ATP2C2: variants seen among roughly 807,000 people sequenced by gnomAD.
The protein encoded by ATP2C2 is ATPase secretory pathway Ca2+ transporting 2.
A neutral mutation model predicts 110.8 loss-of-function variants in ATP2C2; 171 were observed. The observed-to-expected ratio is 1.54, with a 90% CI of 1.36 to 1.75. The LOEUF (loss-of-function observed/expected upper bound fraction) is 1.75, where lower values mean the gene tolerates loss of function less well. Among genes scored for constraint, ATP2C2 ranks in the 40% most tolerant of loss-of-function variants. The probability of loss-of-function intolerance (pLI) is 0.00; values close to 1 mark genes in which losing one functional copy is unlikely to be tolerated. For synonymous variants in ATP2C2, 804 were observed against 508.4 expected, an observed-to-expected ratio of 1.58 and a Z score of -7.82; for missense variants, 1,963 against 1,235.0, an observed-to-expected ratio of 1.59 and a Z score of -8.84.
At chr16:84,401,445 G>A (rs1567697180) in intron 2 of ATP2C2, among the ~76,000 whole-genome samples, 1 of 151,868 alleles carries the variant, frequency 6.6e-6, no homozygotes, top group African/African-American at 2.4e-5. Flanking sequence ...GGCTGATCTC[G>A]AACTCCTGAC....
intron 1 of ATP2C2, among the ~76,000 whole-genome samples, chr16:84,374,435 G>A (rs1910137653): frequency 6.6e-6 from 1 of 152,350 alleles, no homozygotes; most frequent in Non-Finnish European, 1.5e-5. Flanking sequence ...CGAAAGGTCT[G>A]TGTTGATCAG....
chr16:84,419,401 C>CG (rs1390795372), intron 7 of ATP2C2, among the ~76,000 whole-genome samples: 2 of 152,170 alleles, frequency 1.3e-5, no homozygotes, highest in Middle Eastern at 3.4e-3. Context: ...TCCAACCCTC[C>CG]GTCCTCCCCT....
chr16:84,408,535 A>G (rs1414295456), intron 4 of ATP2C2, 41 bp downstream of exon 4: 2 of 1,527,932 alleles, frequency 1.3e-6, no homozygotes, highest in East Asian at 2.3e-5. Flanking sequence ...GCGGGCAGCC[A>G]CAGGTCTGCT....
chr16:84,446,827 C>T (rs565334771), intron 16 of ATP2C2, among the ~76,000 whole-genome samples: 1 of 152,190 alleles, frequency 6.6e-6, no homozygotes. Flanking sequence ...GACTGAGGCC[C>T]TGCTGCTAAC....
chr16:84,453,077 CG>C, intron 18 of ATP2C2, 60 bp from the exon 19 acceptor site: 3 of 1,516,758 alleles, frequency 2.0e-6, no homozygotes, highest in Non-Finnish European at 1.8e-6. Context: ...GAGGTGGGGC[CG>C]GGAGTGAGGG....
intron 1 of ATP2C2, among the ~76,000 whole-genome samples, chr16:84,389,720 C>CTTT (rs3085090): frequency 1.2e-4 from 15 of 120,176 alleles, no homozygotes; most frequent in Middle Eastern, 4.9e-3. Context: ...TCACTGTTTC[C>CTTT]TTTTTTTTTT....
rs758836565 is a variant in ATP2C2 at position 84,454,811 on chromosome 16, T to C, written c.1981-7T>C. Reference sequence around the variant, plus strand: ...CTGCAGGCCTTCATTGCCTGCTCTTTCCAAAGGCTCTGCAGGAGTCAGGGG... The same window carrying C: ...CTGCAGGCCTTCATTGCCTGCTCTTCCCAAAGGCTCTGCAGGAGTCAGGGG... On this transcript the variant is annotated splice_polypyrimidine_tract_variant and splice_region_variant and intron_variant, in intron 20 of 26. Transcript: ENST00000262429. 4 of 1,583,888 alleles carry C rather than the reference T, an allele frequency of 2.5e-6. No individual in the cohort carries two copies. In the African/African-American group the frequency reaches 5.4e-5, roughly 22 times the overall value.
At chr16:84,417,819 G>C (rs1906973389) in intron 7 of ATP2C2, among the ~76,000 whole-genome samples, 1 of 152,218 alleles carries the variant, frequency 6.6e-6, no homozygotes, top group African/African-American at 2.4e-5. Flanking sequence ...GTGGTATTCT[G>C]CAATTCCATT....
At chr16:84,414,970 G>T (rs1001625056) in intron 6 of ATP2C2, among the ~76,000 whole-genome samples, 2 of 152,156 alleles carry the variant, frequency 1.3e-5, no homozygotes, top group Non-Finnish European at 2.9e-5. Flanking sequence ...GGACGGGCAA[G>T]CGGCGGTGGT....
intron 24 of ATP2C2, 175 bp downstream of exon 24, chr16:84,460,976 A>C (rs1911268612): frequency 2.1e-6 from 2 of 964,374 alleles, no homozygotes; most frequent in African/African-American, 3.3e-5. Context: ...GGACTGGGTG[A>C]CCCTTGAAAG....
At chr16:84,419,754 G>A (rs1482916020) in intron 7 of ATP2C2, among the ~76,000 whole-genome samples, 3 of 152,136 alleles carry the variant, frequency 2.0e-5, no homozygotes, top group African/African-American at 4.8e-5. Context: ...CGAGGACACC[G>A]TGCAGGAAGC....
intron 20 of ATP2C2, 100 bp from the exon 21 acceptor site, chr16:84,454,718 T>G (rs1910625792): frequency 2.3e-6 from 3 of 1,294,996 alleles, no homozygotes; most frequent in Non-Finnish European, 3.1e-6. Flanking sequence ...CCGGGTGCCC[T>G]CCAGACAGAG....
intron 1 of ATP2C2, among the ~76,000 whole-genome samples, chr16:84,372,385 A>G (rs1159899026): frequency 2.6e-5 from 4 of 152,250 alleles, no homozygotes; most frequent in Non-Finnish European, 5.9e-5. Flanking sequence ...AGTGTTTCTC[A>G]GAATTCAGCA....
At chr16:84,419,391 T>A (rs1907126363) in intron 7 of ATP2C2, among the ~76,000 whole-genome samples, 1 of 151,914 alleles carries the variant, frequency 6.6e-6, no homozygotes, top group Admixed American at 6.6e-5. Context: ...CAGACACATC[T>A]CCAACCCTCC....
intron 23 of ATP2C2, 200 bp downstream of exon 23, chr16:84,459,586 G>A: frequency 6.5e-7 from 1 of 1,535,966 alleles, no homozygotes; most frequent in Non-Finnish European, 8.7e-7. Flanking sequence ...TGGGCCGGCA[G>A]AGCTGGGTGA....
chr16:84,391,347 G>A (rs57708840), intron 1 of ATP2C2, among the ~76,000 whole-genome samples: 3,650 of 152,258 alleles, frequency 0.024, 124 homozygotes, highest in African/African-American at 0.07. Flanking sequence ...GCCATCTCTC[G>A]CATCTTCTGT....
At chr16:84,409,990 C>T (rs550917392) in intron 4 of ATP2C2, among the ~76,000 whole-genome samples, 17 of 151,984 alleles carry the variant, frequency 1.1e-4, no homozygotes, top group Non-Finnish European at 1.6e-4. Context: ...GGGTGGATCA[C>T]GAGGTCAGGA....
At chr16:84,410,629 A>G in intron 5 of ATP2C2, 26 bp downstream of exon 5, 1 of 1,613,984 alleles carries the variant, frequency 6.2e-7, no homozygotes, top group Non-Finnish European at 8.5e-7. Context: ...GGTCCCAGTC[A>G]GGGTAAGCTG....
chr16:84,387,681 A>G (rs6564026), intron 1 of ATP2C2, among the ~76,000 whole-genome samples: 5 of 152,208 alleles, frequency 3.3e-5, no homozygotes, highest in Non-Finnish European at 7.3e-5. Flanking sequence ...CAGCCTATTC[A>G]CTTCTCCAAG....
Sources: gnomAD v4.1 joint callset for allele counts (sites outside exome capture counted in the v4.1 genomes callset) on GRCh38, gnomAD v4.1.1 for gene constraint, MANE v1.5 for transcripts, NCBI Gene and HGNC (gene_info 2026-07-23, HGNC 2026-07-21) for gene names.